Variants in GALNTL6 observed in about 807,000 individuals in gnomAD.
GALNTL6 encodes the protein polypeptide N-acetylgalactosaminyltransferase like 6.
Under a neutral mutation model 73.7 loss-of-function variants are expected in GALNTL6, and 46 were observed. The observed-to-expected ratio is 0.62, with a 90% confidence interval of 0.49 to 0.80. The LOEUF is 0.80. GALNTL6 is among the 30% of genes least tolerant of loss of function. The probability of loss-of-function intolerance (pLI) is 0.00; values close to 1 mark genes in which losing one functional copy is unlikely to be tolerated. For synonymous variants in GALNTL6, 259 were observed against 263.7 expected, an observed-to-expected ratio of 0.98 and a Z score of 0.17; for missense variants, 604 against 755.0, an observed-to-expected ratio of 0.80 and a Z score of 2.34.
intron 12 of GALNTL6, among the ~76,000 whole-genome samples, chr4:173,023,976 G>T (rs1444780297): frequency 3.3e-5 from 5 of 152,128 alleles, no homozygotes; most frequent in African/African-American, 9.7e-5. Context: ...TAGTATGTTA[G>T]TGGTTCCTAA....
At chr4:172,228,423 A>G (rs1025058092) in intron 2 of GALNTL6, among the ~76,000 whole-genome samples, 1 of 152,194 alleles carries the variant, frequency 6.6e-6, no homozygotes, top group South Asian at 2.1e-4. Context: ...ATTTTCAACT[A>G]CCTTTTTTAA....
At chr4:172,125,765 C>G (rs1490109724) in intron 2 of GALNTL6, among the ~76,000 whole-genome samples, 4 of 151,986 alleles carry the variant, frequency 2.6e-5, no homozygotes, top group Non-Finnish European at 5.9e-5. Flanking sequence ...TTTAATCTAC[C>G]TTACCAAAAA....
chr4:172,969,555 GA>G (rs1001861507), intron 10 of GALNTL6, among the ~76,000 whole-genome samples: 1 of 151,818 alleles, frequency 6.6e-6, no homozygotes, highest in African/African-American at 2.4e-5. Flanking sequence ...GTTAAAACAA[GA>G]AAAAAAATAG....
At chr4:172,322,605 G>A (rs529874589) in intron 4 of GALNTL6, among the ~76,000 whole-genome samples, 1 of 152,230 alleles carries the variant, frequency 6.6e-6, no homozygotes, top group African/African-American at 2.4e-5. Context: ...AGGGGAAGCA[G>A]GCAATTTCTT....
At chr4:172,240,135 C>A (rs2110990396) in intron 3 of GALNTL6, among the ~76,000 whole-genome samples, 1 of 152,274 alleles carries the variant, frequency 6.6e-6, no homozygotes, top group East Asian at 1.9e-4. Flanking sequence ...TTTCAAGTTG[C>A]ATGCTTTCTC....
intron 2 of GALNTL6, among the ~76,000 whole-genome samples, chr4:171,848,203 A>G (rs1309069940): frequency 4.6e-5 from 7 of 152,240 alleles, no homozygotes; most frequent in Admixed American, 4.6e-4. Context: ...GTCAGTGAGC[A>G]GTAATATTTT....
intron 5 of GALNTL6, among the ~76,000 whole-genome samples, chr4:172,443,115 CATATACATATATATATATATATATATAT>C (rs1731891528): frequency 1.4e-5 from 1 of 72,678 alleles, no homozygotes; most frequent in Non-Finnish European, 2.7e-5. Flanking sequence ...AGTAATGATC[CATATACATATATATATATATATATATAT>C]ATATATATAT....
chr4:172,886,626 G>A (rs1561013941), intron 8 of GALNTL6, among the ~76,000 whole-genome samples: 2 of 152,172 alleles, frequency 1.3e-5, no homozygotes, highest in Non-Finnish European at 2.9e-5. Flanking sequence ...AGTTGGGCGT[G>A]GTGGCGCATG....
At position 172,233,348 on chromosome 4, in the gene GALNTL6, CTAAATAAA is replaced by C. The variant is rs3083265; in HGVS notation, c.247+3612_247+3619del. Among the ~76,000 whole-genome samples, 453 of 146,706 alleles carry C rather than the reference CTAAATAAA, an allele frequency of 3.1e-3. 2 individuals carry two copies. The highest frequency in any genetic ancestry group is 0.011 in the Middle Eastern group (3 of 282). On this transcript the variant is annotated intron_variant, in intron 3 of 12. Transcript: ENST00000506823. The stretch of plus-strand genomic sequence containing the variant: ...CCAGCCTGGGCTGGAGACTCTGTCT[CTAAATAAA>C]TAAATAAATAAATAAATAAATAAAT...
At chr4:172,348,731 T>G in intron 5 of GALNTL6, 42 bp downstream of exon 5, 2 of 1,351,240 alleles carry the variant, frequency 1.5e-6, no homozygotes, top group Non-Finnish European at 2.1e-6. Context: ...TCTGCTACCA[T>G]TCACATAATC....
At position 172,767,229 on chromosome 4, in the gene GALNTL6, A is replaced by G. The variant is rs577026485; in HGVS notation, c.554-42132A>G. 2.0e-4 allele frequency among the ~76,000 whole-genome samples: 31 copies of G among 152,362 alleles called. 1 individual carries two copies. Among genetic ancestry groups the G allele is most frequent in the African/African-American group, 7.5e-4 (31 of 41,582 alleles). ...AATTTATCTGTTGAAATGAGAATAC[A>G]GTGGTAAGAACACTTATCAGAAAAC... On this transcript the variant is annotated intron_variant, in intron 5 of 12. Transcript: ENST00000506823.
At chr4:171,951,267 T>C (rs1208234707) in intron 2 of GALNTL6, among the ~76,000 whole-genome samples, 1 of 152,050 alleles carries the variant, frequency 6.6e-6, no homozygotes, top group East Asian at 1.9e-4. Context: ...GCAAAAAGTA[T>C]TACTAGAGAG....
chr4:172,462,004 G>A (rs761412271), intron 5 of GALNTL6, among the ~76,000 whole-genome samples: 2 of 152,112 alleles, frequency 1.3e-5, no homozygotes, highest in African/African-American at 2.4e-5. Flanking sequence ...AAAGGCAGAG[G>A]AAGGGTGAAT....
chr4:172,576,763 C>A (rs1736971268), intron 5 of GALNTL6, among the ~76,000 whole-genome samples: 1 of 152,022 alleles, frequency 6.6e-6, no homozygotes, highest in Admixed American at 6.6e-5. Flanking sequence ...AAGAAAAAGC[C>A]TAATAAGGAA....
chr4:171,897,140 A>C (rs1404092098), intron 2 of GALNTL6, among the ~76,000 whole-genome samples: 1 of 152,110 alleles, frequency 6.6e-6, no homozygotes, highest in Non-Finnish European at 1.5e-5. Flanking sequence ...AAAATCTAGA[A>C]ATTGAGAACA....
chr4:172,891,256 G>T (rs757157435), intron 8 of GALNTL6, among the ~76,000 whole-genome samples: 1 of 151,704 alleles, frequency 6.6e-6, no homozygotes, highest in Non-Finnish European at 1.5e-5. Context: ...TGTTTTATAG[G>T]GTCTATAGAC....
intron 7 of GALNTL6, among the ~76,000 whole-genome samples, chr4:172,814,745 A>T (rs1741505168): frequency 6.6e-6 from 1 of 152,188 alleles, no homozygotes; most frequent in Non-Finnish European, 1.5e-5. Context: ...TCAACATTTC[A>T]TAATGATCAG....
At position 172,014,637 on chromosome 4, in the gene GALNTL6, G is replaced by A. The variant is rs138638011; in HGVS notation, c.138+199919G>A. Reference sequence around the variant, plus strand: ...TTTCTCTAGTTACTTGAGGTGTGGCGTCAGATTGTCTATTTGTGCTCTCTC... The same window carrying A: ...TTTCTCTAGTTACTTGAGGTGTGGCATCAGATTGTCTATTTGTGCTCTCTC... On this transcript the variant is annotated intron_variant, in intron 2 of 12. Coordinates refer to ENST00000506823, the MANE Select transcript of GALNTL6 (RefSeq NM_001034845.3). Among the ~76,000 whole-genome samples the A allele has an allele frequency of 7.3e-3, 1,110 of 152,034 alleles. 13 individuals are homozygous for A. Among genetic ancestry groups the A allele is most frequent in the African/African-American group, 0.025 (1,056 of 41,508 alleles).
At chr4:172,942,836 T>C (rs1432706586) in intron 9 of GALNTL6, among the ~76,000 whole-genome samples, 1 of 152,162 alleles carries the variant, frequency 6.6e-6, no homozygotes, top group East Asian at 1.9e-4. Flanking sequence ...CTCTGGGTCC[T>C]GAGTAGACTC....
Sources: gnomAD v4.1 joint callset for allele counts (sites outside exome capture counted in the v4.1 genomes callset) on GRCh38, gnomAD v4.1.1 for gene constraint, MANE v1.5 for transcripts, NCBI Gene and HGNC (gene_info 2026-07-23, HGNC 2026-07-21) for gene names.